The following BRWD1 variants were observed in gnomAD, a reference collection of about 807,000 sequenced individuals.
The protein encoded by BRWD1 is bromodomain and WD repeat-containing protein 1.
BRWD1 carries 82 observed loss-of-function variants against 251.2 expected under a neutral mutation model. That is an observed-to-expected ratio of 0.33 (90% CI 0.27 to 0.39). The LOEUF is 0.39. BRWD1 is among the 10% of genes least tolerant of loss of function. The pLI is 1.00. For synonymous variants in BRWD1, 918 were observed against 902.8 expected (o/e 1.02, Z -0.30); for missense variants, 2,233 against 2,711.6 (o/e 0.82, Z 3.92).
rs138915186 is a variant in BRWD1, at chr21:39,309,029, C to A, written c.198+3812G>T. ...TCTCTACTAAAACTACGAAAATTAG[C>A]TGGGCATAGTGGTGTGCGCCTGTAG... On this transcript the variant is annotated intron_variant, in intron 4 of 40. Transcript: ENST00000342449. Among the ~76,000 whole-genome samples, 196 of 152,158 alleles carry A rather than the reference C, an allele frequency of 1.3e-3. 2 individuals are homozygous for A. The highest frequency in any genetic ancestry group is 1.2e-3 in the Non-Finnish European group (81 of 68,006).
chr21:39,215,474 G>A, intron 31 of BRWD1, 112 bp from the exon 32 acceptor site: 1 of 931,692 alleles, frequency 1.1e-6, no homozygotes, highest in South Asian at 1.6e-5. Context: ...AACCATAAGT[G>A]CAAAGTTATA....
intron 37 of BRWD1, among the ~76,000 whole-genome samples, chr21:39,204,153 C>CAA (rs11356696): frequency 5.8e-5 from 2 of 34,346 alleles, no homozygotes; most frequent in Admixed American, 3.2e-4. Context: ...AACTCCATCT[C>CAA]AAAAAAAAAA....
chr21:39,195,622 G>A lies in BRWD1; in HGVS notation c.*637C>T. 1.0e-6 allele frequency: 1 copy of A among 984,110 alleles called. No homozygotes were observed. Among genetic ancestry groups the A allele is most frequent in the Non-Finnish European group, 1.2e-6 (1 of 828,586 alleles). 61.0% of individuals were successfully genotyped at this position (984,110 alleles called of 1,614,324 possible). ...ATAAATTCAAGTTTATAACATAAAA[G>A]TGACAACGTTTTCCTTAAGAAGAAA... On this transcript the variant is annotated 3_prime_UTR_variant, in exon 41 of 41. Transcript: ENST00000342449.
intron 15 of BRWD1, among the ~76,000 whole-genome samples, chr21:39,268,442 C>CAA (rs35682732): frequency 9.2e-6 from 1 of 109,266 alleles, no homozygotes; most frequent in Non-Finnish European, 1.8e-5. Context: ...ACTCCATCTC[C>CAA]AAAAAAAAAA....
At chr21:39,284,269 C>T (rs2035561455) in intron 8 of BRWD1, among the ~76,000 whole-genome samples, 1 of 152,114 alleles carries the variant, frequency 6.6e-6, no homozygotes, top group Admixed American at 6.5e-5. Context: ...TGCTTGAGGC[C>T]AGAAGTTCAA....
chr21:39,197,530 A>T, intron 40 of BRWD1, 115 bp from the exon 41 acceptor site: 1 of 793,364 alleles, frequency 1.3e-6, no homozygotes, highest in African/African-American at 1.7e-5. Flanking sequence ...ATTGCAGTGA[A>T]TGGAATGGTA....
chr21:39,298,644 A>C, intron 4 of BRWD1, 62 bp from the exon 5 acceptor site: 1 of 1,379,452 alleles, frequency 7.2e-7, no homozygotes, highest in South Asian at 1.6e-5. Context: ...TTAAATACTT[A>C]GGGATAAGTC....
At chr21:39,281,855 A>C (rs6517536) in intron 8 of BRWD1, among the ~76,000 whole-genome samples, 1 of 151,494 alleles carries the variant, frequency 6.6e-6, no homozygotes, top group Admixed American at 6.6e-5. Context: ...ACAACACAGC[A>C]AGACTCCTTC....
chr21:39,193,621 T>G lies in BRWD1; in HGVS notation c.*2638A>C. On this transcript the variant is annotated 3_prime_UTR_variant, in exon 41 of 41. Coordinates refer to ENST00000342449, the MANE Select transcript of BRWD1 (RefSeq NM_033656.4). ...ACCAAAGTAGTTTTTGTTTTTCACA[T>G]ACACCATTAAGTTGAACTTCAAGTG... is the stretch of plus-strand genomic sequence containing the variant. 1.0e-6 allele frequency: 1 copy of G among 985,546 alleles called. No individual in the cohort carries two copies. The highest frequency in any genetic ancestry group is 1.2e-6 in the Non-Finnish European group (1 of 829,708). 61.1% of individuals were successfully genotyped at this position (985,546 alleles called of 1,614,324 possible).
At chr21:39,300,879 C>T (rs2036091863) in intron 4 of BRWD1, among the ~76,000 whole-genome samples, 1 of 152,134 alleles carries the variant, frequency 6.6e-6, no homozygotes, top group African/African-American at 2.4e-5. Flanking sequence ...GATATCATAC[C>T]ACTTATTCAA....
At chr21:39,242,145 G>T (rs1307692767) in intron 21 of BRWD1, among the ~76,000 whole-genome samples, 1 of 152,210 alleles carries the variant, frequency 6.6e-6, no homozygotes, top group Non-Finnish European at 1.5e-5. Flanking sequence ...GCCAACACAG[G>T]CTAAAAGCTA....
chr21:39,187,355 C>A lies in BRWD1; in HGVS notation c.*8904G>T, dbSNP rs1045891600. The A allele has an allele frequency of 6.2e-7, 1 of 1,612,736 alleles. No individual in the cohort carries two copies. Among genetic ancestry groups the A allele is most frequent in the African/African-American group, 1.3e-5 (1 of 74,840 alleles). On this transcript the variant is annotated 3_prime_UTR_variant, in exon 41 of 41. Transcript: ENST00000342449. Reference sequence around the variant, plus strand: ...GTTTCACTAGGCATCTGCACTGCATCCTTCTGATTATGCATACATGTTCTC... The same window carrying A: ...GTTTCACTAGGCATCTGCACTGCATACTTCTGATTATGCATACATGTTCTC...
Position 39,186,860 on chromosome 21 carries a change from G to A in BRWD1, c.*9399C>T, listed in dbSNP as rs1427940651. The stretch of plus-strand genomic sequence containing the variant: ...CTCCTCAGAATTCCCCAGAGCACAT[G>A]TCTGTACAAGAGCTGACTGGGAGGA... On this transcript the variant is annotated 3_prime_UTR_variant, in exon 41 of 41. Transcript: ENST00000342449. 1.0e-5 allele frequency: 12 copies of A among 1,171,280 alleles called. No homozygotes were observed. Among genetic ancestry groups the A allele is most frequent in the Non-Finnish European group, 1.4e-5 (12 of 875,836 alleles). 72.6% of individuals were successfully genotyped at this position (1,171,280 alleles called of 1,614,324 possible).
chr21:39,278,919 G>T, intron 9 of BRWD1, 106 bp from the exon 10 acceptor site: 3 of 918,450 alleles, frequency 3.3e-6, no homozygotes, highest in Middle Eastern at 3.5e-4. Context: ...AATTTTTTAA[G>T]AGACAGGGTC....
At position 39,235,110 on chromosome 21, in the gene BRWD1, G is replaced by C. The variant is rs61122343; in HGVS notation, c.2766+1485C>G. Among the ~76,000 whole-genome samples, 277 of 152,180 alleles carry C rather than the reference G, an allele frequency of 1.8e-3. 1 individual carries two copies. The highest frequency in any genetic ancestry group is 6.3e-3 in the African/African-American group (261 of 41,520). On this transcript the variant is annotated intron_variant, in intron 23 of 40. Transcript: ENST00000342449. ...CTAAAAATACGAAACTTAGCCAGGC[G>C]TGGTTGCGTGGGCCTGTAGTCCCAG...
chr21:39,277,421 T>C (rs760152115), intron 10 of BRWD1, 70 bp from the exon 11 acceptor site: 114 of 968,256 alleles, frequency 1.2e-4, no homozygotes, highest in Non-Finnish European at 1.5e-4. Flanking sequence ...AATTTCCATA[T>C]TAAAATATAA....
chr21:39,229,542 C>T, intron 25 of BRWD1, 106 bp from the exon 26 acceptor site: 1 of 1,095,392 alleles, frequency 9.1e-7, no homozygotes, highest in Non-Finnish European at 1.3e-6. Flanking sequence ...GGCTTCCAAA[C>T]CCGCAGACAA....
At chr21:39,219,194 G>A (rs1185600449) in intron 29 of BRWD1, among the ~76,000 whole-genome samples, 1 of 152,174 alleles carries the variant, frequency 6.6e-6, no homozygotes, top group Non-Finnish European at 1.5e-5. Flanking sequence ...GCCGAGGTGG[G>A]TGGATCGCCT....
In BRWD1 at chr21:39,268,785, G is replaced by A. The variant is rs910114298; in HGVS notation, c.1530+1114C>T. 3.9e-5 allele frequency among the ~76,000 whole-genome samples: 6 copies of A among 152,260 alleles called. No homozygotes were observed. The East Asian group carries it at 1.2e-3, about 29-fold the overall frequency. On this transcript the variant is annotated intron_variant, in intron 15 of 40. Transcript: ENST00000342449. ...ATGGATCATGAGGTCAAGAGATGGA[G>A]ACCATCCTGGCTAACACGGTGAAAC...
Sources: allele counts gnomAD v4.1 joint callset (sites outside exome capture counted in the v4.1 genomes callset), GRCh38; gene constraint gnomAD v4.1.1; transcripts MANE v1.5; gene names NCBI Gene and HGNC (gene_info 2026-07-23, HGNC 2026-07-21).